Variants in DMD observed in about 807,000 individuals in gnomAD.
The protein encoded by DMD is mutant dystrophin.
DMD carries 63 observed loss-of-function variants against 330.1 expected under a neutral mutation model. That is an observed-to-expected ratio of 0.19 (90% confidence interval 0.16 to 0.24). The LOEUF (loss-of-function observed/expected upper bound fraction) is 0.24. Ranked by LOEUF, DMD falls within the 10% of genes least tolerant of loss-of-function variation. The pLI, the probability that DMD is intolerant of heterozygous loss-of-function variation, is 1.00. For synonymous variants in DMD, 1,223 were observed against 959.8 expected (o/e 1.27, Z -5.07); for missense variants, 3,344 against 2,684.1 (o/e 1.25, Z -5.43).
intron 30 of DMD, among the ~76,000 whole-genome samples, chrX:32,406,043 G>C (rs2098115263): frequency 9.0e-6 from 1 of 111,099 alleles, no homozygotes; most frequent in African/African-American, 3.3e-5. Flanking sequence ...TCATGATTTG[G>C]CTCTCTGTTT....
At chrX:31,548,338 C>T (rs377085105) in intron 55 of DMD, among the ~76,000 whole-genome samples, 85 of 111,302 alleles carry the variant, frequency 7.6e-4, no homozygotes, top group Non-Finnish European at 1.3e-3. Flanking sequence ...CTTGCCAGGT[C>T]ATTCTTAAGC....
intron 44 of DMD, among the ~76,000 whole-genome samples, chrX:32,056,412 A>G (rs2096175459): frequency 9.2e-6 from 1 of 108,114 alleles, no homozygotes; most frequent in Non-Finnish European, 1.9e-5. Flanking sequence ...AAAAAAAAGG[A>G]AAATTCAAAT....
chrX:33,056,693 A>G (rs754363863), intron 1 of DMD, among the ~76,000 whole-genome samples: 23 of 111,318 alleles, frequency 2.1e-4, no homozygotes, highest in African/African-American at 6.5e-4. Context: ...TCATTCATTC[A>G]TTCGTTCGTT....
At chrX:31,332,474 A>C in intron 61 of DMD, among the ~76,000 whole-genome samples, 1 of 111,770 alleles carries the variant, frequency 8.9e-6, no homozygotes, top group Non-Finnish European at 1.9e-5. Flanking sequence ...AAGATTAAAG[A>C]ATAAAAAATA....
At chrX:32,528,245 G>A (rs2047106821) in intron 17 of DMD, among the ~76,000 whole-genome samples, 1 of 110,833 alleles carries the variant, frequency 9.0e-6, no homozygotes, top group Non-Finnish European at 1.9e-5. Flanking sequence ...GGAGGCAGAA[G>A]TTGCAGTGAG....
intron 17 of DMD, among the ~76,000 whole-genome samples, chrX:32,531,172 A>G (rs1435393191): frequency 8.9e-6 from 1 of 111,947 alleles, no homozygotes; most frequent in Non-Finnish European, 1.9e-5. Flanking sequence ...TATGTAAGTA[A>G]GACACTCTCA....
chrX:31,884,161 C>A (rs1569496644), intron 47 of DMD, among the ~76,000 whole-genome samples: 1 of 111,637 alleles, frequency 9.0e-6, no homozygotes. Context: ...TCCAAAAGAA[C>A]TGAAATCAGT....
At chrX:32,386,191 TAG>T (rs1158132373) in intron 33 of DMD, 117 bp downstream of exon 33, 134 of 731,590 alleles carry the variant, frequency 1.8e-4, no homozygotes, top group Non-Finnish European at 2.4e-4. Flanking sequence ...TACATATACA[TAG>T]AGAGAGAGAG....
intron 2 of DMD, among the ~76,000 whole-genome samples, chrX:32,964,807 A>C (rs5971676): frequency 0.17 from 18,607 of 111,927 alleles, 2,015 homozygotes; most frequent in African/African-American, 0.4. Context: ...TTTGCAACTC[A>C]TAATGAAATA....
At chrX:32,352,364 T>C (rs1356967509) in intron 37 of DMD, among the ~76,000 whole-genome samples, 1 of 111,034 alleles carries the variant, frequency 9.0e-6, no homozygotes, top group Non-Finnish European at 1.9e-5. Flanking sequence ...ATATTCTAGT[T>C]GCCATAGTAA....
chrX:32,194,239 C>G (rs1640058288), intron 44 of DMD, among the ~76,000 whole-genome samples: 1 of 111,584 alleles, frequency 9.0e-6, no homozygotes, highest in African/African-American at 3.3e-5. Context: ...GTGCAAAAGT[C>G]TAAGTGTTTG....
In DMD at chrX:32,831,304, G is replaced by A. The variant is rs1468181587; in HGVS notation, c.265-7917C>T. Among the ~76,000 whole-genome samples, 3 of 110,800 alleles carry A rather than the reference G, an allele frequency of 2.7e-5. No individual in the cohort carries two copies. In the East Asian group the frequency reaches 8.5e-4, roughly 31 times the overall value. On this transcript the variant is annotated intron_variant, in intron 4 of 78. Coordinates refer to ENST00000357033, the MANE Select transcript of DMD (RefSeq NM_004006.3). ...ATTAGATATCCCATGATGGTTTACA[G>A]TAAAAGGATTTATACTTATTATATT...
At chrX:31,746,213 GCA>G (rs2087821943) in intron 51 of DMD, among the ~76,000 whole-genome samples, 1 of 112,183 alleles carries the variant, frequency 8.9e-6, no homozygotes, top group Non-Finnish European at 1.9e-5. Context: ...CTGAGGCAAA[GCA>G]AGAGATGTTA....
chrX:32,607,178 A>G (rs1469777226), intron 12 of DMD, among the ~76,000 whole-genome samples: 1 of 110,546 alleles, frequency 9.0e-6, no homozygotes, highest in Non-Finnish European at 1.9e-5. Flanking sequence ...CTAGAGTTAA[A>G]TGAGACAATA....
chrX:33,009,770 A>G (rs1331583736), intron 2 of DMD, among the ~76,000 whole-genome samples: 9 of 45,487 alleles, frequency 2.0e-4, no homozygotes, highest in East Asian at 9.4e-4. Flanking sequence ...GTATATGTGT[A>G]TATACACACA....
intron 2 of DMD, among the ~76,000 whole-genome samples, chrX:32,935,645 A>C (rs372187637): frequency 2.7e-5 from 3 of 111,802 alleles, no homozygotes; most frequent in East Asian, 5.6e-4. Context: ...TAATTCTTTA[A>C]TCCTTTTTGC....
At chrX:32,770,447 G>C (rs990557636) in intron 7 of DMD, among the ~76,000 whole-genome samples, 1 of 111,477 alleles carries the variant, frequency 9.0e-6, no homozygotes, top group Non-Finnish European at 1.9e-5. Flanking sequence ...TAAGACCTTA[G>C]ATGTAAAATG....
intron 76 of DMD, among the ~76,000 whole-genome samples, chrX:31,138,718 A>G (rs973137739): frequency 3.7e-5 from 4 of 106,883 alleles, no homozygotes; most frequent in African/African-American, 1.4e-4. Flanking sequence ...TTTAAAAACC[A>G]TCAGCTCTCC....
Position 32,789,774 on chromosome X carries a change from T to G in DMD, c.649+19719A>C, listed in dbSNP as rs148961439. On this transcript the variant is annotated intron_variant, in intron 7 of 78. Transcript: ENST00000357033. Reference sequence around the variant, plus strand: ...GAAATTATCTAGAACATGACTGCCCTACTTAAACATTTGCACTCTTCTACC... The same window carrying G: ...GAAATTATCTAGAACATGACTGCCCGACTTAAACATTTGCACTCTTCTACC... Among the ~76,000 whole-genome samples, 10 of 112,052 alleles carry G rather than the reference T, an allele frequency of 8.9e-5. No homozygotes were observed. The East Asian group carries it at 2.8e-3, about 31-fold the overall frequency.
Sources: allele counts gnomAD v4.1 joint callset (sites outside exome capture counted in the v4.1 genomes callset), GRCh38; gene constraint gnomAD v4.1.1; transcripts MANE v1.5; gene names NCBI Gene and HGNC (gene_info 2026-07-23, HGNC 2026-07-21).